Variants in TIAM2 observed in about 807,000 individuals in gnomAD.
The protein encoded by TIAM2 is rho guanine nucleotide exchange factor TIAM2.
In TIAM2, 80 loss-of-function variants were observed where a neutral mutation model predicts 152.9. That is an observed-to-expected ratio of 0.52 (90% CI 0.44 to 0.63). TIAM2 has a LOEUF of 0.63. Ranked by LOEUF, TIAM2 falls within the 30% of genes least tolerant of loss-of-function variation. The probability of loss-of-function intolerance (pLI) is 0.00; values close to 1 mark genes in which losing one functional copy is unlikely to be tolerated. For synonymous variants in TIAM2, 804 were observed against 838.0 expected (o/e 0.96, Z 0.70); for missense variants, 1,965 against 2,120.1 (o/e 0.93, Z 1.44).
At chr6:155,160,397 A>C (rs1238792299) in intron 7 of TIAM2, among the ~76,000 whole-genome samples, 1 of 152,214 alleles carries the variant, frequency 6.6e-6, no homozygotes, top group Non-Finnish European at 1.5e-5. Flanking sequence ...TAGGGAAGGC[A>C]ATCCGCATTA....
At chr6:155,042,005 C>A (rs1479308928) in intron 1 of TIAM2, among the ~76,000 whole-genome samples, 1 of 152,154 alleles carries the variant, frequency 6.6e-6, no homozygotes, top group Non-Finnish European at 1.5e-5. Flanking sequence ...CTCGACTTCC[C>A]ATCCTCCAAC....
chr6:155,030,595 G>A (rs570412418), intron 1 of TIAM2, among the ~76,000 whole-genome samples: 28 of 152,190 alleles, frequency 1.8e-4, no homozygotes, highest in African/African-American at 6.7e-4. Context: ...CCATTCTGTG[G>A]GGAATGCTTG....
rs968394625 is a variant in TIAM2 at position 155,250,682 on chromosome 6, C to T, written c.3952-231C>T. 1.2e-5 allele frequency: 17 copies of T among 1,459,318 alleles called. No homozygotes were observed. The East Asian group carries it at 1.7e-4, about 15-fold the overall frequency. 90.4% of individuals were successfully genotyped at this position (1,459,318 alleles called of 1,614,324 possible). On this transcript the variant is annotated intron_variant, in intron 21 of 26. Transcript: ENST00000682666. ...ACAAGGCATGTCTCACCTACATGTG[C>T]GTGCACTGGAGCAAAATGCCTTCAC...
intron 1 of TIAM2, among the ~76,000 whole-genome samples, chr6:155,055,411 A>G (rs929233354): frequency 1.3e-5 from 2 of 152,220 alleles, no homozygotes; most frequent in Admixed American, 1.3e-4. Context: ...ATTATAGAAG[A>G]TTGAATAAAT....
intron 15 of TIAM2, chr6:155,217,002 T>G (rs940105003): frequency 7.8e-7 from 1 of 1,276,432 alleles, no homozygotes; most frequent in Non-Finnish European, 1.0e-6. Flanking sequence ...AACGTGTGTC[T>G]TACACATCTC....
chr6:155,086,430 G>A (rs948451765), intron 1 of TIAM2, among the ~76,000 whole-genome samples: 8 of 152,146 alleles, frequency 5.3e-5, no homozygotes, highest in African/African-American at 1.7e-4. Context: ...TAGTTGGCCG[G>A]GCACGGCGAC....
At chr6:155,246,976 C>A (rs777936156) in intron 19 of TIAM2, among the ~76,000 whole-genome samples, 1 of 152,248 alleles carries the variant, frequency 6.6e-6, no homozygotes, top group Non-Finnish European at 1.5e-5. Context: ...GTACCCAAAC[C>A]AAATGCACCT....
intron 2 of TIAM2, among the ~76,000 whole-genome samples, chr6:155,113,518 C>T (rs1430968322): frequency 6.6e-6 from 1 of 151,876 alleles, no homozygotes; most frequent in Non-Finnish European, 1.5e-5. Context: ...GTCAGGAGTT[C>T]GAGACCAGCC....
In TIAM2 at chr6:155,169,292, C is replaced by T. The variant is rs578246671; in HGVS notation, c.2361+3883C>T. On this transcript the variant is annotated intron_variant, in intron 9 of 26. Coordinates refer to ENST00000682666, the MANE Select transcript of TIAM2 (RefSeq NM_012454.4). ...TGACAGGGTGAGCCACAGCACCCGG[C>T]CACAAATGCTAACTTAAGCGAGGAA... Among the ~76,000 whole-genome samples, 3 of 152,276 alleles carry T rather than the reference C, an allele frequency of 2.0e-5. No homozygotes were observed. In the South Asian group the frequency reaches 6.2e-4, roughly 32 times the overall value.
chr6:155,178,155 C>T (rs1174124949), intron 10 of TIAM2, among the ~76,000 whole-genome samples: 6 of 136,824 alleles, frequency 4.4e-5, no homozygotes, highest in East Asian at 2.1e-4. Flanking sequence ...AGCAAGACTC[C>T]GTCTCAAATT....
chr6:155,244,186 C>A, intron 17 of TIAM2, 107 bp downstream of exon 17: 1 of 1,117,224 alleles, frequency 9.0e-7, no homozygotes, highest in Non-Finnish European at 1.3e-6. Context: ...AAAGAACATC[C>A]CAAGACTTAA....
At chr6:155,017,116 C>T (rs1181276161) in intron 1 of TIAM2, among the ~76,000 whole-genome samples, 1 of 152,038 alleles carries the variant, frequency 6.6e-6, no homozygotes, top group Non-Finnish European at 1.5e-5. Context: ...CCTAGTTTTC[C>T]CTCCTTGCCC....
At chr6:155,028,519 TAA>T (rs1491421106) in intron 1 of TIAM2, among the ~76,000 whole-genome samples, 1 of 132,722 alleles carries the variant, frequency 7.5e-6, no homozygotes, top group African/African-American at 2.9e-5. Flanking sequence ...ATACTACATA[TAA>T]TATATATACT....
intron 2 of TIAM2, among the ~76,000 whole-genome samples, chr6:155,104,366 C>T (rs1778629691): frequency 6.6e-6 from 1 of 152,170 alleles, no homozygotes; most frequent in Non-Finnish European, 1.5e-5. Flanking sequence ...CGCTTCTCCC[C>T]TGACCCCGCC....
chr6:155,244,915 C>T (rs1775682560), intron 18 of TIAM2, 132 bp downstream of exon 18: 5 of 1,154,844 alleles, frequency 4.3e-6, no homozygotes, highest in Non-Finnish European at 3.5e-6. Flanking sequence ...GTGACTATTT[C>T]CTTGCACCGT....
At chr6:155,151,547 C>A (rs1381095684) in intron 7 of TIAM2, among the ~76,000 whole-genome samples, 1 of 152,206 alleles carries the variant, frequency 6.6e-6, no homozygotes, top group African/African-American at 2.4e-5. Flanking sequence ...CCATAGTGGT[C>A]TTGTATGCAA....
Position 155,129,445 on chromosome 6 carries a change from C to A in TIAM2, c.222C>A (p.Tyr74Ter). The change falls in exon 4 of 27, where the codon TAC becomes TAA. Residue 74 changes from tyrosine to a stop codon, truncating the protein, a stop_gained. Transcript: ENST00000682666. LOFTEE classifies it high-confidence loss of function. The surrounding 1 kb of genome is among the most constrained non-coding windows in gnomAD (Gnocchi z 4.8). The stretch of plus-strand genomic sequence containing the variant: ...CTCACTTTAAGAGTAACCAGCCTTA[C>A]GCATCGAGACTCGGTGGCCCCACAT... ...CLSHFKSNQP[Y>*]ASRLGGPTCK... 1 of 1,614,126 alleles carries A rather than the reference C, an allele frequency of 6.2e-7. No individual in the cohort carries two copies. The highest frequency in any genetic ancestry group is 8.5e-7 in the Non-Finnish European group (1 of 1,180,014).
At chr6:155,041,804 T>TG (rs1777053001) in intron 1 of TIAM2, among the ~76,000 whole-genome samples, 1 of 152,236 alleles carries the variant, frequency 6.6e-6, no homozygotes, top group African/African-American at 2.4e-5. Context: ...GTGTTCGCGT[T>TG]GCCAGTGCGA....
chr6:155,192,771 G>A (rs147429368), intron 14 of TIAM2, among the ~76,000 whole-genome samples: 2 of 152,260 alleles, frequency 1.3e-5, no homozygotes, highest in Non-Finnish European at 2.9e-5. Flanking sequence ...TATTGCTTTG[G>A]TGGAAGTTAT....
Sources: allele counts gnomAD v4.1 joint callset (sites outside exome capture counted in the v4.1 genomes callset), GRCh38; gene constraint gnomAD v4.1.1; non-coding constraint Gnocchi (gnomAD v3.1); transcripts MANE v1.5; gene names NCBI Gene and HGNC (gene_info 2026-07-23, HGNC 2026-07-21).